TACR1: variants seen among roughly 807,000 people sequenced by gnomAD.
TACR1 encodes the protein tachykinin receptor 1, also known as substance-P receptor.
TACR1 carries 25 observed loss-of-function variants against 35.8 expected under a neutral mutation model. The observed-to-expected ratio is 0.70, with a 90% CI of 0.51 to 0.98. TACR1 has a LOEUF of 0.98. Ranked by LOEUF, TACR1 falls within the 50% of genes least tolerant of loss-of-function variation. The pLI, the probability that TACR1 is intolerant of heterozygous loss-of-function variation, is 0.00. For missense variants in TACR1, 478 were observed against 522.9 expected, an observed-to-expected ratio of 0.91 and a Z score of 0.84; for synonymous variants, 195 against 206.7, an observed-to-expected ratio of 0.94 and a Z score of 0.48.
intron 2 of TACR1, among the ~76,000 whole-genome samples, chr2:75,100,694 C>A (rs191674337): frequency 6.6e-6 from 1 of 152,112 alleles, no homozygotes; most frequent in Non-Finnish European, 1.5e-5. Flanking sequence ...TAGCATAGTA[C>A]GTACTATAAA....
At chr2:75,065,085 C>T (rs1440731442) in intron 2 of TACR1, among the ~76,000 whole-genome samples, 2 of 152,178 alleles carry the variant, frequency 1.3e-5, no homozygotes, top group Admixed American at 6.5e-5. Context: ...CCAAGTCCTC[C>T]GGCCCCAGAT....
At chr2:75,158,910 G>T (rs980792271) in intron 1 of TACR1, among the ~76,000 whole-genome samples, 1 of 152,198 alleles carries the variant, frequency 6.6e-6, no homozygotes, top group Non-Finnish European at 1.5e-5. Context: ...TCTCAACCTC[G>T]AGCATCTGCT....
intron 1 of TACR1, among the ~76,000 whole-genome samples, chr2:75,180,942 C>T (rs753111969): frequency 4.6e-5 from 7 of 152,184 alleles, no homozygotes; most frequent in Non-Finnish European, 8.8e-5. Context: ...AATATGTAGA[C>T]GCTCTTTTAC....
At chr2:75,055,609 A>G (rs1672553391) in intron 2 of TACR1, among the ~76,000 whole-genome samples, 1 of 152,266 alleles carries the variant, frequency 6.6e-6, no homozygotes, top group African/African-American at 2.4e-5. Context: ...TGCCTCATGC[A>G]GACTAATAGT....
At chr2:75,091,201 C>CAAAAAAAAA (rs1184236584) in intron 2 of TACR1, among the ~76,000 whole-genome samples, 1 of 63,418 alleles carries the variant, frequency 1.6e-5, no homozygotes, top group Non-Finnish European at 3.2e-5. Flanking sequence ...CTCGTAGGTG[C>CAAAAAAAAA]AAAAAAAAAA....
chr2:75,140,585 C>T (rs936309480), intron 1 of TACR1, among the ~76,000 whole-genome samples: 1 of 152,176 alleles, frequency 6.6e-6, no homozygotes, highest in East Asian at 1.9e-4. Flanking sequence ...TCTGAAGACT[C>T]AACTCAGGGT....
Position 75,199,324 on chromosome 2 carries a change from G to A in TACR1, c.-390C>T. The A allele has an allele frequency of 4.6e-6, 1 of 215,230 alleles. No homozygotes were observed. Among genetic ancestry groups the A allele is most frequent in the Non-Finnish European group, 9.5e-6 (1 of 105,410 alleles). The allele number at this position is 215,230 out of a possible 1,614,324, so 13.3% of individuals were successfully genotyped here. ...AACTCCTATTTCTCCTTCCTCCGCA[G>A]GGAAAGGCAAAGCCCTGTGCTGCGT... On this transcript the variant is annotated 5_prime_UTR_variant, in exon 1 of 5. Transcript: ENST00000305249.
At chr2:75,178,110 C>A (rs1675470670) in intron 1 of TACR1, among the ~76,000 whole-genome samples, 1 of 152,142 alleles carries the variant, frequency 6.6e-6, no homozygotes, top group Non-Finnish European at 1.5e-5. Flanking sequence ...CAACCTGGAC[C>A]CATATGCTCA....
chr2:75,176,760 G>T (rs1675430448), intron 1 of TACR1, among the ~76,000 whole-genome samples: 1 of 152,108 alleles, frequency 6.6e-6, no homozygotes, highest in Admixed American at 6.6e-5. Context: ...ACTCTAATTA[G>T]GAAGATGGGC....
chr2:75,144,056 T>C (rs954542753), intron 1 of TACR1, among the ~76,000 whole-genome samples: 6 of 152,228 alleles, frequency 3.9e-5, no homozygotes, highest in Non-Finnish European at 7.3e-5. Flanking sequence ...TCCTTGGTAA[T>C]TATTTTCCTA....
chr2:75,171,236 A>G (rs543818030), intron 1 of TACR1, among the ~76,000 whole-genome samples: 1 of 152,290 alleles, frequency 6.6e-6, no homozygotes, highest in East Asian at 1.9e-4. Flanking sequence ...CCAAAGTATA[A>G]CTCAGGCCAT....
chr2:75,112,250 T>C (rs1333885388), intron 2 of TACR1, among the ~76,000 whole-genome samples: 2 of 152,038 alleles, frequency 1.3e-5, no homozygotes, highest in Non-Finnish European at 2.9e-5. Flanking sequence ...TATTTTGATA[T>C]CTCGAATGGC....
intron 2 of TACR1, among the ~76,000 whole-genome samples, chr2:75,072,277 AGGAC>A (rs1672896961): frequency 6.6e-6 from 1 of 152,206 alleles, no homozygotes. Flanking sequence ...TCAAGGATGC[AGGAC>A]GGGATTAGCG....
intron 1 of TACR1, among the ~76,000 whole-genome samples, chr2:75,164,403 A>T (rs1675089253): frequency 6.6e-6 from 1 of 152,084 alleles, no homozygotes; most frequent in African/African-American, 2.4e-5. Flanking sequence ...AATAATTATG[A>T]CTAAATGAAT....
At chr2:75,067,653 A>G (rs1672789832) in intron 2 of TACR1, among the ~76,000 whole-genome samples, 1 of 152,202 alleles carries the variant, frequency 6.6e-6, no homozygotes, top group Non-Finnish European at 1.5e-5. Context: ...GGACTCTGTT[A>G]AGGTAATGTT....
chr2:75,082,863 CA>C (rs1439820388), intron 2 of TACR1, among the ~76,000 whole-genome samples: 2 of 152,102 alleles, frequency 1.3e-5, no homozygotes, highest in Non-Finnish European at 2.9e-5. Flanking sequence ...AATTTTCTCC[CA>C]TTCTGTAGGT....
At chr2:75,159,080 C>A (rs1262495596) in intron 1 of TACR1, among the ~76,000 whole-genome samples, 2 of 151,338 alleles carry the variant, frequency 1.3e-5, no homozygotes, top group Non-Finnish European at 2.9e-5. Flanking sequence ...GAGAGATAAA[C>A]AATGTAGCTA....
intron 2 of TACR1, among the ~76,000 whole-genome samples, chr2:75,120,138 A>G (rs1282630990): frequency 6.6e-6 from 1 of 152,180 alleles, no homozygotes; most frequent in African/African-American, 2.4e-5. Flanking sequence ...TGGCTACTCC[A>G]TAGACAGAGC....
chr2:75,172,828 G>T (rs1375337092), intron 1 of TACR1, among the ~76,000 whole-genome samples: 1 of 152,134 alleles, frequency 6.6e-6, no homozygotes, highest in East Asian at 1.9e-4. Context: ...AGAGGGTTAT[G>T]CAGGGAAGGA....
Sources: allele counts gnomAD v4.1 joint callset (sites outside exome capture counted in the v4.1 genomes callset), GRCh38; gene constraint gnomAD v4.1.1; transcripts MANE v1.5; gene names NCBI Gene and HGNC (gene_info 2026-07-23, HGNC 2026-07-21).